The following TMEM43 variants were observed in gnomAD, a reference collection of about 807,000 sequenced individuals.
TMEM43 encodes the protein transmembrane protein 43, also known as arrhythmogenic right ventricular dysplasia 5.
TMEM43 carries 45 observed loss-of-function variants against 49.6 expected under a neutral mutation model. The observed-to-expected ratio is 0.91, with a 90% CI of 0.71 to 1.16. The LOEUF is 1.16. Among genes scored for constraint, TMEM43 ranks in the 50% most tolerant of loss-of-function variants. TMEM43 has a pLI of 0.00. For synonymous variants in TMEM43, 199 were observed against 207.8 expected, an observed-to-expected ratio of 0.96 and a Z score of 0.36; for missense variants, 532 against 516.6, an observed-to-expected ratio of 1.03 and a Z score of -0.29.
intron 1 of TMEM43, 105 bp downstream of exon 1, chr3:14,125,310 G>T (rs951731652): frequency 4.3e-6 from 6 of 1,404,524 alleles, no homozygotes; most frequent in African/African-American, 4.3e-5. Flanking sequence ...GCTCCTCCGT[G>T]CGGCTAGGCC....
chr3:14,141,538 T>C, intron 11 of TMEM43, 55 bp from the exon 12 acceptor site: 1 of 1,527,280 alleles, frequency 6.5e-7, no homozygotes, highest in South Asian at 1.1e-5. Context: ...AGAGATCTGC[T>C]GAGCTGGTGA....
At chr3:14,134,490 T>G (rs1224338562) in intron 7 of TMEM43, among the ~76,000 whole-genome samples, 1 of 152,162 alleles carries the variant, frequency 6.6e-6, no homozygotes, top group Non-Finnish European at 1.5e-5. Context: ...GGCTTGGACG[T>G]GGATGGCCGT....
rs760790283 is a variant in TMEM43 at position 14,133,694 on chromosome 3, C to T, written c.513-45C>T. 3.1e-6 allele frequency: 5 copies of T among 1,589,944 alleles called. No individual in the cohort carries two copies. The Admixed American group carries it at 8.3e-5, about 27-fold the overall frequency. On this transcript the variant is annotated intron_variant, in intron 6 of 11. Transcript: ENST00000306077. ...AAACAACCCAAAGGGACCCGGGCAG[C>T]TCCCACACCGGTGCCCATCTCTGAC...
chr3:14,131,208 G>A (rs181425027), intron 3 of TMEM43, among the ~76,000 whole-genome samples: 12 of 152,336 alleles, frequency 7.9e-5, no homozygotes, highest in Non-Finnish European at 1.8e-4. Flanking sequence ...CTAACGCCTT[G>A]GTACAGTGGC....
intron 10 of TMEM43, chr3:14,138,013 A>G (rs191799531): frequency 6.6e-6 from 1 of 152,214 alleles, no homozygotes; most frequent in African/African-American, 2.4e-5. Flanking sequence ...ATTAAATAAT[A>G]CTTGTAAAAC....
intron 10 of TMEM43, 38 bp from the exon 11 acceptor site, chr3:14,139,142 C>G: frequency 6.8e-7 from 1 of 1,473,030 alleles, no homozygotes; most frequent in Non-Finnish European, 9.5e-7. Flanking sequence ...ACGCCACTGG[C>G]CCTCAGCATC....
At chr3:14,127,488 G>A (rs1431649120) in intron 1 of TMEM43, among the ~76,000 whole-genome samples, 3 of 152,244 alleles carry the variant, frequency 2.0e-5, no homozygotes, top group African/African-American at 7.2e-5. Flanking sequence ...AGACTGGAAT[G>A]AGTAATGGGA....
chr3:14,139,990 G>C (rs946521342), intron 11 of TMEM43, among the ~76,000 whole-genome samples: 5 of 152,168 alleles, frequency 3.3e-5, no homozygotes, highest in African/African-American at 1.2e-4. Flanking sequence ...GCCTTTCCCT[G>C]GTGTGTGTCC....
chr3:14,129,332 AAAT>A, intron 1 of TMEM43, 77 bp from the exon 2 acceptor site: 6 of 1,052,534 alleles, frequency 5.7e-6, no homozygotes, highest in East Asian at 3.0e-5. Flanking sequence ...AAAAAAAAAA[AAAT>A]TGAGTATAAA....
At chr3:14,135,043 G>A in intron 8 of TMEM43, 115 bp from the exon 9 acceptor site, 1 of 1,480,892 alleles carries the variant, frequency 6.8e-7, no homozygotes, top group African/African-American at 1.4e-5. Context: ...GGCACAGCCT[G>A]GGCACGGGTG....
rs772334038 is a variant in TMEM43, at chr3:14,129,581, C to T, written c.162+20C>T. ...AATGAGGTAAAATGTCTGGGGTCTTCCTGTGCAGAGTGAGAGTCCCCACCA... is the reference window on the plus strand; with the variant it reads ...AATGAGGTAAAATGTCTGGGGTCTTTCTGTGCAGAGTGAGAGTCCCCACCA... On this transcript the variant is annotated intron_variant, in intron 2 of 11. Coordinates refer to ENST00000306077, the MANE Select transcript of TMEM43 (RefSeq NM_024334.3). 5 of 1,613,832 alleles carry T rather than the reference C, an allele frequency of 3.1e-6. No individual in the cohort carries two copies. Among genetic ancestry groups the T allele is most frequent in the South Asian group, 1.1e-5 (1 of 91,062 alleles).
Position 14,132,579 on chromosome 3 carries a change from G to C in TMEM43, c.426G>C (p.Glu142Asp). 6.2e-7 allele frequency: 1 copy of C among 1,614,178 alleles called. No individual in the cohort carries two copies. Among genetic ancestry groups the C allele is most frequent in the East Asian group, 2.2e-5 (1 of 44,878 alleles). Reference protein sequence around the residue: ...EYTEDGQVKKETRYSYNTEWR... With the variant: ...EYTEDGQVKKDTRYSYNTEWR... ...CCGAGGATGGGCAGGTGAAGAAGGA[G>C]ACGAGGTATTCCTACAGTGAGTGCT... is the stretch of plus-strand genomic sequence containing the variant. Residue 142 changes from glutamate to aspartate, a missense_variant, in exon 5 of 12, where the codon GAG becomes GAC. By Grantham distance (45) the Glu-to-Asp change is conservative. Coordinates refer to ENST00000306077, the MANE Select transcript of TMEM43 (RefSeq NM_024334.3).
intron 4 of TMEM43, 140 bp downstream of exon 4, chr3:14,131,814 C>T (rs1000701784): frequency 2.2e-5 from 16 of 722,984 alleles, no homozygotes; most frequent in Non-Finnish European, 3.6e-5. Context: ...GTGAAATGAT[C>T]CCCAAATTAA....
At chr3:14,141,318 A>T (rs1695242440) in intron 11 of TMEM43, among the ~76,000 whole-genome samples, 1 of 152,144 alleles carries the variant, frequency 6.6e-6, no homozygotes, top group Non-Finnish European at 1.5e-5. Context: ...TCTCCACATA[A>T]AGTATTAAAG....
At position 14,125,055 on chromosome 3, in the gene TMEM43, G is replaced by A. The variant is rs551084788; in HGVS notation, c.-139G>A. On this transcript the variant is annotated 5_prime_UTR_variant, in exon 1 of 12. Transcript: ENST00000306077. The stretch of plus-strand genomic sequence containing the variant: ...CTGGGCACAGGGGGAGGTAACTGCA[G>A]TAAGTCCCGCTTGGCCCTGGAGTCC... 8.8e-7 allele frequency: 1 copy of A among 1,130,118 alleles called. No homozygotes were observed. The highest frequency in any genetic ancestry group is 1.3e-6 in the Non-Finnish European group (1 of 770,286). The allele number at this position is 1,130,118 out of a possible 1,614,324, so 70.0% of individuals were successfully genotyped here.
In TMEM43 at chr3:14,132,936, G is replaced by T. The variant is rs764546967; in HGVS notation, c.512+1G>T. 1.2e-6 allele frequency: 2 copies of T among 1,613,530 alleles called. No homozygotes were observed. Among genetic ancestry groups the T allele is most frequent in the South Asian group, 2.2e-5 (2 of 91,020 alleles). On this transcript the variant is annotated splice_donor_variant, in intron 6 of 11. Transcript: ENST00000306077. LOFTEE classifies it high-confidence loss of function. The stretch of plus-strand genomic sequence containing the variant: ...GAGAGATTGGCCACAAAAACCCCAG[G>T]TGAGAGCCAGGCCCAAGGCCTGAGT...
rs777194176 is a variant in TMEM43 at position 14,133,702 on chromosome 3, C to T, written c.513-37C>T. 7.5e-6 allele frequency: 12 copies of T among 1,603,016 alleles called. 1 individual carries two copies. In the Admixed American group the frequency reaches 1.5e-4, roughly 20 times the overall value. On this transcript the variant is annotated intron_variant, in intron 6 of 11. Transcript: ENST00000306077. The stretch of plus-strand genomic sequence containing the variant: ...CAAAGGGACCCGGGCAGCTCCCACA[C>T]CGGTGCCCATCTCTGACAGCTTCCT...
chr3:14,138,882 G>A (rs1284772919), intron 10 of TMEM43, among the ~76,000 whole-genome samples: 1 of 152,196 alleles, frequency 6.6e-6, no homozygotes, highest in Non-Finnish European at 1.5e-5. Flanking sequence ...ACCTGCTCAG[G>A]GGTGGTGGGC....
chr3:14,125,357 C>T (rs1695004337), intron 1 of TMEM43, 152 bp downstream of exon 1: 14 of 960,770 alleles, frequency 1.5e-5, no homozygotes, highest in Non-Finnish European at 1.9e-5. Flanking sequence ...GTGCCTTCGC[C>T]AGCTCATCCC....
Sources: gnomAD v4.1 joint callset for allele counts (sites outside exome capture counted in the v4.1 genomes callset) on GRCh38, gnomAD v4.1.1 for gene constraint, MANE v1.5 for transcripts, NCBI Gene and HGNC (gene_info 2026-07-23, HGNC 2026-07-21) for gene names.